Variants in LMBR1L observed in about 807,000 individuals in gnomAD.
The protein encoded by LMBR1L is protein LMBR1L.
Under a neutral mutation model 67.3 loss-of-function variants are expected in LMBR1L, and 47 were observed. The observed-to-expected ratio is 0.70, with a 90% CI of 0.55 to 0.89. The LOEUF is 0.89. Ranked by LOEUF, LMBR1L falls within the 40% of genes least tolerant of loss-of-function variation. The probability of loss-of-function intolerance (pLI) is 0.00; values close to 1 mark genes in which losing one functional copy is unlikely to be tolerated. For missense variants in LMBR1L, 533 were observed against 599.2 expected (o/e 0.89, Z 1.15); for synonymous variants, 247 against 250.3 (o/e 0.99, Z 0.13).
At chr12:49,101,211 T>C in intron 13 of LMBR1L, 39 bp downstream of exon 13, 1 of 1,613,850 alleles carries the variant, frequency 6.2e-7, no homozygotes, top group Non-Finnish European at 8.5e-7. Context: ...GGAGACAGGT[T>C]TGCTGAACAG....
chr12:49,101,963 A>G, intron 11 of LMBR1L, 157 bp downstream of exon 11: 1 of 640,472 alleles, frequency 1.6e-6, no homozygotes, highest in African/African-American at 1.8e-5. Flanking sequence ...TGTGCTCAAC[A>G]TTTGTGCTCA....
intron 13 of LMBR1L, 177 bp from the exon 14 acceptor site, chr12:49,100,823 G>A (rs1014849064): frequency 8.1e-6 from 5 of 615,016 alleles, no homozygotes; most frequent in Admixed American, 6.1e-5. Flanking sequence ...GACCTTCTGG[G>A]CTTAAGCGAT....
rs961927435 is a variant in LMBR1L at position 49,097,415 on chromosome 12, A to G, written c.*257T>C. Reference sequence around the variant, plus strand: ...AGCAGTGAGGCAGATTGATGTGTAAACAGATTTGGGATCAGGGGCTAGACC... The same window carrying G: ...AGCAGTGAGGCAGATTGATGTGTAAGCAGATTTGGGATCAGGGGCTAGACC... On this transcript the variant is annotated 3_prime_UTR_variant, in exon 17 of 17. Coordinates refer to ENST00000267102, the MANE Select transcript of LMBR1L (RefSeq NM_018113.4). 6.1e-5 allele frequency: 32 copies of G among 524,452 alleles called. No homozygotes were observed. Among genetic ancestry groups the G allele is most frequent in the South Asian group, 2.6e-4 (11 of 42,054 alleles). The allele number at this position is 524,452 out of a possible 1,614,324, so 32.5% of individuals were successfully genotyped here. A position where few individuals can be genotyped will look rare whatever the true frequency, so the allele number is the denominator to read the frequency against.
chr12:49,110,402 ACT>A (rs1941413800), intron 1 of LMBR1L, 80 bp downstream of exon 1: 20 of 1,341,800 alleles, frequency 1.5e-5, no homozygotes, highest in Non-Finnish European at 2.1e-5. Context: ...GTTTGACGGC[ACT>A]CTGAGACCAG....
chr12:49,102,163 T>C lies in LMBR1L; in HGVS notation c.887A>G (p.Asn296Ser). The change falls in exon 11 of 17, where the codon AAC (asparagine) becomes AGC (serine). Residue 296 changes from asparagine (N) to serine (S), a missense_variant. Physicochemically the swap from Asn to Ser is conservative, Grantham distance 46 (BLOSUM62 1). This residue lies in a region of LMBR1L where 64 missense variants were observed against 109.0 expected (regional missense o/e 0.59). Transcript: ENST00000267102. ...KRRKASAWQR[N>S]LGYPLAMLCL... ...CAGCATAGCCAGGGGGTAGCCCAGG[T>C]TCCGTTGCCAGGCTGAAGCCTTCCG... 6.2e-7 allele frequency: 1 copy of C among 1,613,946 alleles called. No homozygotes were observed. Among genetic ancestry groups the C allele is most frequent in the Non-Finnish European group, 8.5e-7 (1 of 1,179,982 alleles).
At chr12:49,105,110 T>C (rs1940732869) in intron 3 of LMBR1L, 2 of 532,894 alleles carry the variant, frequency 3.8e-6, no homozygotes, top group Middle Eastern at 5.0e-4. Context: ...GCCTCGGGCA[T>C]TCATGGGAAC....
chr12:49,102,874 G>T lies in LMBR1L; in HGVS notation c.696+13C>A. 3.1e-6 allele frequency: 5 copies of T among 1,613,314 alleles called. No individual in the cohort carries two copies. Among genetic ancestry groups the T allele is most frequent in the Non-Finnish European group, 4.2e-6 (5 of 1,179,302 alleles). On this transcript the variant is annotated intron_variant, in intron 8 of 16. Transcript: ENST00000267102. ...TCACCCTGCAGGATCAAAGAGCAAG[G>T]AATACCACATACCCGGGGCTTGACT...
At position 49,097,719 on chromosome 12, in the gene LMBR1L, G is replaced by T. The variant is rs781350852; in HGVS notation, c.1423C>A (p.Pro475Thr). 5.0e-6 allele frequency: 8 copies of T among 1,613,936 alleles called. No homozygotes were observed. The South Asian group carries it at 7.7e-5, about 16-fold the overall frequency. ...RAFGLDRLPL[P>T]VSGFPQASRK... is the part of the protein sequence containing the mutation. ...GATGCCTGGGGGAAACCGGAGACGG[G>T]CAGCGGCAGTCTGTCCAGCCCTGGA... Residue 475 changes from proline (P) to threonine (T), a missense_variant, in exon 17 of 17, where the codon CCC becomes ACC. Coordinates refer to ENST00000267102, the MANE Select transcript of LMBR1L (RefSeq NM_018113.4).
Position 49,097,673 on chromosome 12 carries a change from C to T in LMBR1L, c.1469G>A (p.Ter490=), listed in dbSNP as rs775843708. ...PQASRKTQHQ[*] ...TTCCTTCCCACCCCCAGCTGGAGGT[C>T]ACTGGTGCTGGGTCTTCCTAGATGC... The change falls in exon 17 of 17, where the codon TGA becomes TAA. Residue 490 remains the stop codon, a stop_retained_variant. Coordinates refer to ENST00000267102, the MANE Select transcript of LMBR1L (RefSeq NM_018113.4). The T allele has an allele frequency of 1.2e-6, 2 of 1,613,324 alleles. No individual in the cohort carries two copies. The highest frequency in any genetic ancestry group is 1.7e-6 in the Non-Finnish European group (2 of 1,179,942).
At chr12:49,103,896 C>T (rs949262518) in intron 5 of LMBR1L, 83 bp from the exon 6 acceptor site, 5 of 1,457,794 alleles carry the variant, frequency 3.4e-6, no homozygotes, top group Non-Finnish European at 4.6e-6. Context: ...CTGCAGGAAC[C>T]AGAAAGGTTT....
intron 1 of LMBR1L, 165 bp downstream of exon 1, chr12:49,110,318 AG>A: frequency 3.0e-6 from 2 of 672,904 alleles, no homozygotes; most frequent in Non-Finnish European, 5.3e-6. Flanking sequence ...GATCCCATCT[AG>A]GGGATCGCTA....
In LMBR1L at chr12:49,110,806, C is replaced by A. The variant is rs1941463309; in HGVS notation, c.-251G>T. 2 of 511,552 alleles carry A rather than the reference C, an allele frequency of 3.9e-6. No homozygotes were observed. Among genetic ancestry groups the A allele is most frequent in the South Asian group, 5.0e-5 (2 of 40,292 alleles). The allele number at this position is 511,552 out of a possible 1,614,324, so 31.7% of individuals were successfully genotyped here. A position where few individuals can be genotyped will look rare whatever the true frequency, so the allele number is the denominator to read the frequency against. ...CTCCCCACTCTTTAAGGTCGGGTCGCGCTCACGTTTCAATGCAAACACCCG... is the reference window on the plus strand; with the variant it reads ...CTCCCCACTCTTTAAGGTCGGGTCGAGCTCACGTTTCAATGCAAACACCCG... On this transcript the variant is annotated 5_prime_UTR_variant, in exon 1 of 17. Transcript: ENST00000267102.
chr12:49,103,901 AG>A, intron 5 of LMBR1L, 88 bp from the exon 6 acceptor site: 1 of 1,422,422 alleles, frequency 7.0e-7, no homozygotes, highest in Non-Finnish European at 9.5e-7. Flanking sequence ...GGAACCAGAA[AG>A]GTTTGGATTC....
intron 4 of LMBR1L, 97 bp from the exon 5 acceptor site, chr12:49,104,648 A>G: frequency 6.3e-7 from 1 of 1,575,620 alleles, no homozygotes; most frequent in Non-Finnish European, 8.7e-7. Flanking sequence ...GGAAGGTGCG[A>G]CATATGACTG....
chr12:49,101,572 C>A, intron 11 of LMBR1L, 23 bp from the exon 12 acceptor site: 1 of 1,551,746 alleles, frequency 6.4e-7, no homozygotes, highest in South Asian at 1.1e-5. Context: ...AGGTCAGACT[C>A]CCATTCCACC....
intron 5 of LMBR1L, 53 bp downstream of exon 5, chr12:49,104,395 G>A (rs932769834): frequency 7.9e-7 from 1 of 1,269,806 alleles, no homozygotes; most frequent in Admixed American, 1.8e-5. Context: ...CTCTTCAGCT[G>A]AACCATGTGT....
rs1024857215 is a variant in LMBR1L at position 49,101,254 on chromosome 12, T to A, written c.1078A>T (p.Ile360Phe). Residue 360 changes from isoleucine to phenylalanine, a missense_variant, in exon 13 of 17, where the codon ATC (isoleucine) becomes TTC (phenylalanine). Coordinates refer to ENST00000267102, the MANE Select transcript of LMBR1L (RefSeq NM_018113.4). ...GATGGGTTTCCAGAAGGATACAAGA[T>A]GAGTACAACCTGAATGACGGCACCA... is the stretch of plus-strand genomic sequence containing the variant. ...SFGAVIQVVL[I>F]FYLMVSSVVG... The A allele has an allele frequency of 5.0e-6, 8 of 1,613,934 alleles. No homozygotes were observed. In the Admixed American group the frequency reaches 6.7e-5, roughly 13 times the overall value.
intron 1 of LMBR1L, 69 bp downstream of exon 1, chr12:49,110,415 G>A: frequency 6.9e-7 from 1 of 1,458,300 alleles, no homozygotes. Flanking sequence ...CTGAGACCAG[G>A]TGGGCTCGGA....
chr12:49,108,911 G>A (rs2121077740), intron 1 of LMBR1L, among the ~76,000 whole-genome samples: 1 of 152,314 alleles, frequency 6.6e-6, no homozygotes, highest in African/African-American at 2.4e-5. Context: ...AATCCACAGA[G>A]ACGCAGGAGA....
Sources: gnomAD v4.1 joint callset for allele counts (sites outside exome capture counted in the v4.1 genomes callset) on GRCh38, gnomAD v4.1.1 for gene constraint, gnomAD v4.1.1 regional missense constraint, MANE v1.5 for transcripts, NCBI Gene and HGNC (gene_info 2026-07-23, HGNC 2026-07-21) for gene names.